Variants in HORMAD2 observed in about 807,000 individuals in gnomAD.
HORMAD2 encodes HORMA domain containing 2.
A neutral mutation model predicts 38.8 loss-of-function variants in HORMAD2; 45 were observed. The observed-to-expected ratio is 1.16, with a 90% CI of 0.91 to 1.49. HORMAD2 has a LOEUF of 1.49. Ranked by LOEUF, HORMAD2 falls within the 40% of genes most tolerant of loss-of-function variation. The pLI is 0.00. For synonymous variants in HORMAD2, 126 were observed against 122.8 expected (o/e 1.03, Z -0.17); for missense variants, 338 against 367.0 (o/e 0.92, Z 0.65).
intron 10 of HORMAD2, among the ~76,000 whole-genome samples, chr22:30,127,625 G>A (rs188167109): frequency 5.9e-5 from 9 of 152,210 alleles, no homozygotes; most frequent in African/African-American, 2.2e-4. Flanking sequence ...TTATAGGCGT[G>A]AGCCATCACG....
chr22:30,164,621 C>G (rs1485904678), intron 10 of HORMAD2, among the ~76,000 whole-genome samples: 1 of 152,048 alleles, frequency 6.6e-6, no homozygotes. Flanking sequence ...CTCTTCAAGT[C>G]CTTTGCCCAT....
At chr22:30,092,960 T>C (rs967011483) in intron 1 of HORMAD2, among the ~76,000 whole-genome samples, 1 of 152,218 alleles carries the variant, frequency 6.6e-6, no homozygotes, top group Non-Finnish European at 1.5e-5. Context: ...AGAATTACTT[T>C]AGCTGTTCAG....
chr22:30,194,481 A>G, the HORMAD2 span, among the ~76,000 whole-genome samples: 1 of 152,214 alleles, frequency 6.6e-6, no homozygotes, highest in Non-Finnish European at 1.5e-5. Context: ...GCAGATTCTC[A>G]TTCAATATAG....
At chr22:30,190,966 GT>G in the HORMAD2 span, among the ~76,000 whole-genome samples, 1 of 151,350 alleles carries the variant, frequency 6.6e-6, no homozygotes, top group South Asian at 2.2e-4. Context: ...TCTATTTTTA[GT>G]CAAAAAAGTG....
chr22:30,201,329 G>A, the HORMAD2 span, among the ~76,000 whole-genome samples: 1 of 150,858 alleles, frequency 6.6e-6, no homozygotes, highest in African/African-American at 2.4e-5. Context: ...CTCTCCTCCA[G>A]TATAACCTCA....
At chr22:30,163,863 T>C (rs967519817) in intron 10 of HORMAD2, among the ~76,000 whole-genome samples, 1 of 152,222 alleles carries the variant, frequency 6.6e-6, no homozygotes, top group Non-Finnish European at 1.5e-5. Context: ...TGTATTCACA[T>C]TGTTGTGCAA....
intron 10 of HORMAD2, among the ~76,000 whole-genome samples, chr22:30,157,868 C>T (rs1925182192): frequency 6.6e-6 from 1 of 152,274 alleles, no homozygotes; most frequent in South Asian, 2.1e-4. Flanking sequence ...GAGCACATTT[C>T]ATTTATAGCA....
chr22:30,103,352 A>G, intron 3 of HORMAD2, 85 bp from the exon 4 acceptor site: 1 of 752,748 alleles, frequency 1.3e-6, no homozygotes, highest in Non-Finnish European at 2.3e-6. Context: ...TAAAATAGTT[A>G]AAGGAAATAC....
chr22:30,088,057 A>G lies in HORMAD2; in HGVS notation c.-37-5859A>G, dbSNP rs978096853. On this transcript the variant is annotated intron_variant, in intron 1 of 10. Transcript: ENST00000336726. ...TATGTGTATACACACGTACACACGT[A>G]TACATATACACACACGTACACACGT... Among the ~76,000 whole-genome samples, 434 of 134,848 alleles carry G rather than the reference A, an allele frequency of 3.2e-3. 2 individuals are homozygous for G. The highest frequency in any genetic ancestry group is 0.011 in the African/African-American group (387 of 36,106). The allele number at this position is 134,848 out of a possible 152,430, so 88.5% of individuals were successfully genotyped here. A position where few individuals can be genotyped will look rare whatever the true frequency, so the allele number is the denominator to read the frequency against.
intron 1 of HORMAD2, among the ~76,000 whole-genome samples, chr22:30,081,528 G>A (rs1411028708): frequency 6.6e-6 from 1 of 152,070 alleles, no homozygotes; most frequent in African/African-American, 2.4e-5. Flanking sequence ...AAGTAATTGG[G>A]CGAACTTTGG....
intron 10 of HORMAD2, among the ~76,000 whole-genome samples, chr22:30,173,273 G>A (rs570963559): frequency 2.0e-5 from 3 of 152,236 alleles, no homozygotes; most frequent in South Asian, 2.1e-4. Flanking sequence ...AGAGCGATGT[G>A]TCAGATCTGC....
intron 10 of HORMAD2, among the ~76,000 whole-genome samples, chr22:30,170,265 C>T (rs746683057): frequency 6.6e-5 from 10 of 152,146 alleles, no homozygotes; most frequent in Non-Finnish European, 1.0e-4. Context: ...ATTCACTACA[C>T]TCACCCCAGG....
intron 5 of HORMAD2, 37 bp downstream of exon 5, chr22:30,104,474 C>T (rs766294378): frequency 6.5e-7 from 1 of 1,534,252 alleles, no homozygotes; most frequent in Admixed American, 1.8e-5. Context: ...GAATCAAAGG[C>T]TTGTCTTTTA....
At chr22:30,131,524 T>C (rs1036134411) in intron 10 of HORMAD2, among the ~76,000 whole-genome samples, 3 of 152,196 alleles carry the variant, frequency 2.0e-5, no homozygotes, top group African/African-American at 7.2e-5. Flanking sequence ...AACATATCAA[T>C]TTCACTGAAG....
chr22:30,181,270 G>A (rs2123760117), downstream of HORMAD2, among the ~76,000 whole-genome samples: 1 of 152,118 alleles, frequency 6.6e-6, no homozygotes, highest in African/African-American at 2.4e-5. Context: ...CACCAAAAGT[G>A]CTGGGATTAC....
intron 3 of HORMAD2, among the ~76,000 whole-genome samples, chr22:30,099,851 C>T (rs1445901749): frequency 1.3e-5 from 2 of 152,190 alleles, no homozygotes; most frequent in Non-Finnish European, 2.9e-5. Context: ...CGTGCCATTG[C>T]ACTCCAGCCT....
intron 7 of HORMAD2, among the ~76,000 whole-genome samples, chr22:30,118,119 C>T (rs542193413): frequency 6.6e-6 from 1 of 152,170 alleles, no homozygotes; most frequent in Non-Finnish European, 1.5e-5. Flanking sequence ...ATACAAATCA[C>T]TCACCTGCTT....
the HORMAD2 span, among the ~76,000 whole-genome samples, chr22:30,200,116 C>T: frequency 6.6e-6 from 1 of 151,918 alleles, no homozygotes; most frequent in African/African-American, 2.4e-5. Context: ...GGGGTTTCAC[C>T]ATGTCAGCCA....
At chr22:30,116,211 C>T (rs1308539403) in intron 7 of HORMAD2, among the ~76,000 whole-genome samples, 1 of 152,086 alleles carries the variant, frequency 6.6e-6, no homozygotes, top group Non-Finnish European at 1.5e-5. Context: ...TGGAGCTTAG[C>T]TGAGTGCAAG....
Sources: gnomAD v4.1 joint callset for allele counts (sites outside exome capture counted in the v4.1 genomes callset) on GRCh38, gnomAD v4.1.1 for gene constraint, MANE v1.5 for transcripts, NCBI Gene and HGNC (gene_info 2026-07-23, HGNC 2026-07-21) for gene names.